Variants in OPCML observed in about 807,000 individuals in gnomAD.
OPCML encodes opioid binding protein/cell adhesion molecule like.
OPCML carries 13 observed loss-of-function variants against 37.8 expected under a neutral mutation model. The observed-to-expected ratio is 0.34, with a 90% confidence interval of 0.22 to 0.55. The LOEUF is 0.55. Among genes scored for constraint, OPCML ranks in the 20% least tolerant of loss-of-function variants. OPCML has a pLI of 0.91. For synonymous variants in OPCML, 176 were observed against 168.8 expected (o/e 1.04, Z -0.33); for missense variants, 341 against 435.6 (o/e 0.78, Z 1.93).
At chr11:132,454,187 G>T (rs1365286426) in intron 4 of OPCML, among the ~76,000 whole-genome samples, 1 of 152,170 alleles carries the variant, frequency 6.6e-6, no homozygotes, top group African/African-American at 2.4e-5. Flanking sequence ...TTCTTAATTG[G>T]TCTCATTTGT....
intron 2 of OPCML, among the ~76,000 whole-genome samples, chr11:132,870,926 T>C (rs1190260003): frequency 6.6e-6 from 1 of 152,176 alleles, no homozygotes; most frequent in Non-Finnish European, 1.5e-5. Flanking sequence ...GAACATGTTG[T>C]TCAAAGGACA....
intron 2 of OPCML, among the ~76,000 whole-genome samples, chr11:132,883,831 G>T (rs1282464420): frequency 6.6e-6 from 1 of 152,202 alleles, no homozygotes; most frequent in Non-Finnish European, 1.5e-5. Context: ...TTGCCCAAGA[G>T]CCCAGGGGTA....
chr11:132,896,779 G>A (rs1468398736), intron 2 of OPCML, among the ~76,000 whole-genome samples: 2 of 152,206 alleles, frequency 1.3e-5, no homozygotes, highest in South Asian at 2.1e-4. Flanking sequence ...TGGGTAAGGC[G>A]TTTGCATATC....
At chr11:133,131,693 C>A (rs571750967) in intron 1 of OPCML, among the ~76,000 whole-genome samples, 1 of 152,236 alleles carries the variant, frequency 6.6e-6, no homozygotes, top group South Asian at 2.1e-4. Context: ...ATACTTATGT[C>A]CACATAAAAA....
At chr11:132,702,911 G>A (rs371970279) in intron 2 of OPCML, among the ~76,000 whole-genome samples, 1 of 151,800 alleles carries the variant, frequency 6.6e-6, no homozygotes, top group Non-Finnish European at 1.5e-5. Context: ...TTTCTTTAAT[G>A]GCTCTCATCT....
chr11:133,155,578 C>T (rs1478409293), intron 1 of OPCML, among the ~76,000 whole-genome samples: 2 of 152,250 alleles, frequency 1.3e-5, no homozygotes, highest in African/African-American at 2.4e-5. Context: ...TTACTTCACC[C>T]GCATACCCAG....
chr11:132,474,706 T>A (rs571004532), intron 4 of OPCML, among the ~76,000 whole-genome samples: 1 of 152,242 alleles, frequency 6.6e-6, no homozygotes, highest in African/African-American at 2.4e-5. Context: ...TGGTCTTCTG[T>A]CTCAGTTCCC....
intron 1 of OPCML, among the ~76,000 whole-genome samples, chr11:133,389,043 T>C (rs1945114311): frequency 6.6e-6 from 1 of 152,182 alleles, no homozygotes; most frequent in Non-Finnish European, 1.5e-5. Flanking sequence ...AATTGAGCCC[T>C]CAAGCTCTAA....
chr11:133,274,395 A>G lies in OPCML; in HGVS notation c.61+257869T>C, dbSNP rs7108926. On this transcript the variant is annotated intron_variant, in intron 1 of 7. Transcript: ENST00000524381. ...CACAGAGACAGAGACGTGTGAGGGA[A>G]GAAGGTCCTGGGACAACAGAGGCAG... Among the ~76,000 whole-genome samples the G allele has an allele frequency of 4.8e-3, 726 of 152,330 alleles. 6 individuals carry two copies. The highest frequency in any genetic ancestry group is 0.017 in the African/African-American group (694 of 41,578).
Position 133,330,768 on chromosome 11 carries a change from T to C in OPCML, c.61+201496A>G, listed in dbSNP as rs541144406. On this transcript the variant is annotated intron_variant, in intron 1 of 7. Transcript: ENST00000524381. ...AGTTAATGGGTGCAGCACACCAACA[T>C]GGCACATGTATACATATGTAACAAA... Among the ~76,000 whole-genome samples, 8 of 152,190 alleles carry C rather than the reference T, an allele frequency of 5.3e-5. No homozygotes were observed. The East Asian group carries it at 1.5e-3, about 29-fold the overall frequency.
intron 3 of OPCML, among the ~76,000 whole-genome samples, chr11:132,638,163 C>CTATATATAAATATATATATATATATATA (rs1940629915): frequency 7.8e-6 from 1 of 128,192 alleles, no homozygotes; most frequent in African/African-American, 2.7e-5. Context: ...TATATACAGA[C>CTATATATAAATATATATATATATATATA]TATATATATA....
chr11:132,701,762 TTGTGTGTGTGTG>T (rs34453558), intron 2 of OPCML, among the ~76,000 whole-genome samples: 1 of 142,718 alleles, frequency 7.0e-6, no homozygotes, highest in Non-Finnish European at 1.5e-5. Context: ...AATTTGATGA[TTGTGTGTGTGTG>T]TGTGTGTGTG....
chr11:133,306,519 TG>T (rs1942923330), intron 1 of OPCML, among the ~76,000 whole-genome samples: 1 of 152,172 alleles, frequency 6.6e-6, no homozygotes, highest in African/African-American at 2.4e-5. Flanking sequence ...TTTGAACATA[TG>T]GGGCAACTTA....
At position 133,177,579 on chromosome 11, in the gene OPCML, G is replaced by C. The variant is rs1374643331; in HGVS notation, c.62-234569C>G. On this transcript the variant is annotated intron_variant, in intron 1 of 7. Transcript: ENST00000524381. The surrounding 1 kb of genome is among the most constrained non-coding windows in gnomAD (Gnocchi z 5.0). ...ACTCTAGAATCTAATAGTTGGAGTGGCAATAAAAAATGTGAATACAACTCC... is the reference window on the plus strand; with the variant it reads ...ACTCTAGAATCTAATAGTTGGAGTGCCAATAAAAAATGTGAATACAACTCC... Among the ~76,000 whole-genome samples the C allele has an allele frequency of 3.9e-5, 6 of 152,096 alleles. No homozygotes were observed.
chr11:133,215,222 G>C (rs1939535849), intron 1 of OPCML, among the ~76,000 whole-genome samples: 2 of 152,210 alleles, frequency 1.3e-5, no homozygotes, highest in East Asian at 1.9e-4. Context: ...GTGTGTGAGA[G>C]AGAGAGAGAG....
intron 4 of OPCML, among the ~76,000 whole-genome samples, chr11:132,458,268 A>G (rs1437079207): frequency 6.6e-6 from 1 of 152,210 alleles, no homozygotes; most frequent in Non-Finnish European, 1.5e-5. Context: ...CTCGGACCCA[A>G]CTAACATGCA....
intron 1 of OPCML, among the ~76,000 whole-genome samples, chr11:133,155,057 G>A (rs1301999246): frequency 6.6e-6 from 1 of 152,042 alleles, no homozygotes; most frequent in Non-Finnish European, 1.5e-5. Flanking sequence ...GTACTTGAGG[G>A]GAAATTCACC....
At chr11:133,495,706 T>C (rs577593867) in intron 1 of OPCML, among the ~76,000 whole-genome samples, 1 of 152,334 alleles carries the variant, frequency 6.6e-6, no homozygotes, top group South Asian at 2.1e-4. Context: ...TATCTTCTTT[T>C]GAGAATTGTC....
At chr11:132,848,918 G>A (rs1591697810) in intron 2 of OPCML, among the ~76,000 whole-genome samples, 1 of 152,154 alleles carries the variant, frequency 6.6e-6, no homozygotes, top group Non-Finnish European at 1.5e-5. Context: ...TCTACGAAAG[G>A]CAGGATGTTG....
Sources: gnomAD v4.1 joint callset for allele counts (sites outside exome capture counted in the v4.1 genomes callset) on GRCh38, gnomAD v4.1.1 for gene constraint, Gnocchi (gnomAD v3.1) non-coding constraint, MANE v1.5 for transcripts, NCBI Gene and HGNC (gene_info 2026-07-23, HGNC 2026-07-21) for gene names.